SIPA1L2: variants seen among roughly 807,000 people sequenced by gnomAD.
SIPA1L2 encodes signal induced proliferation associated 1 like 2.
SIPA1L2 carries 56 observed loss-of-function variants against 163.9 expected under a neutral mutation model. The ratio of observed to expected loss-of-function variants is 0.34; its 90% CI spans 0.28 to 0.43. SIPA1L2 has a LOEUF of 0.43. SIPA1L2 is among the 20% of genes least tolerant of loss of function. SIPA1L2 has a pLI of 1.00. For missense variants in SIPA1L2, 1,974 were observed against 2,193.5 expected, an observed-to-expected ratio of 0.90 and a Z score of 2.00; for synonymous variants, 877 against 865.7, an observed-to-expected ratio of 1.01 and a Z score of -0.23.
At chr1:232,424,725 T>TA (rs1661785187) in intron 18 of SIPA1L2, among the ~76,000 whole-genome samples, 1 of 152,202 alleles carries the variant, frequency 6.6e-6, no homozygotes, top group Non-Finnish European at 1.5e-5. Flanking sequence ...CCAATTATGT[T>TA]AAACATTGGA....
At chr1:232,460,794 C>T (rs1664191988) in intron 10 of SIPA1L2, 93 bp downstream of exon 10, 1 of 1,457,078 alleles carries the variant, frequency 6.9e-7, no homozygotes, top group African/African-American at 1.4e-5. Flanking sequence ...CACTTGACTG[C>T]ATTTTCTGAG....
intron 19 of SIPA1L2, among the ~76,000 whole-genome samples, chr1:232,410,021 T>A (rs1660859053): frequency 6.6e-6 from 1 of 152,214 alleles, no homozygotes; most frequent in Non-Finnish European, 1.5e-5. Flanking sequence ...GTATTTTCTA[T>A]GTATAAAACC....
intron 2 of SIPA1L2, among the ~76,000 whole-genome samples, chr1:232,566,960 T>C (rs143389946): frequency 2.2e-4 from 34 of 152,354 alleles, no homozygotes; most frequent in African/African-American, 6.5e-4. Flanking sequence ...AATATAATTG[T>C]ACAGATGCTT....
intron 3 of SIPA1L2, among the ~76,000 whole-genome samples, chr1:232,499,419 T>G (rs887582855): frequency 2.0e-5 from 3 of 152,192 alleles, no homozygotes; most frequent in Non-Finnish European, 2.9e-5. Flanking sequence ...GTGGTCTGGA[T>G]AGAAGACAAA....
At chr1:232,503,121 A>G (rs1052518469) in intron 3 of SIPA1L2, among the ~76,000 whole-genome samples, 1 of 152,190 alleles carries the variant, frequency 6.6e-6, no homozygotes, top group Non-Finnish European at 1.5e-5. Flanking sequence ...AATTGCTTCA[A>G]GGGTGAATCA....
intron 1 of SIPA1L2, among the ~76,000 whole-genome samples, chr1:232,623,797 G>A (rs1662937348): frequency 6.6e-6 from 1 of 151,932 alleles, no homozygotes; most frequent in African/African-American, 2.4e-5. Flanking sequence ...TAAATACACA[G>A]TAAATATAAG....
chr1:232,430,440 TA>T (rs1292833090), intron 16 of SIPA1L2, among the ~76,000 whole-genome samples: 8 of 152,256 alleles, frequency 5.3e-5, no homozygotes, highest in Non-Finnish European at 1.0e-4. Context: ...TTTTGAGAAA[TA>T]ACTGGTCTAT....
At chr1:232,578,814 C>G (rs994846021) in intron 1 of SIPA1L2, among the ~76,000 whole-genome samples, 9 of 152,128 alleles carry the variant, frequency 5.9e-5, no homozygotes, top group African/African-American at 2.2e-4. Context: ...GAAAGGAAAC[C>G]ACAAATTCTT....
intron 2 of SIPA1L2, among the ~76,000 whole-genome samples, chr1:232,566,753 G>A (rs532932285): frequency 5.9e-5 from 9 of 152,212 alleles, no homozygotes; most frequent in Non-Finnish European, 1.2e-4. Flanking sequence ...GGTTCAGTGT[G>A]TTTTTAGAAG....
Position 232,536,162 on chromosome 1 carries a change from C to T in SIPA1L2, c.-269-20554G>A, listed in dbSNP as rs150727228. Among the ~76,000 whole-genome samples, 351 of 152,272 alleles carry T rather than the reference C, an allele frequency of 2.3e-3. 2 individuals carry two copies. The highest frequency in any genetic ancestry group is 8.2e-3 in the African/African-American group (341 of 41,554). Reference sequence around the variant, plus strand: ...TGAGAGCGCAGGAGCTGGGAAAGGGCGAAAACAAGTCTATGTTATCTAAAA... The same window carrying T: ...TGAGAGCGCAGGAGCTGGGAAAGGGTGAAAACAAGTCTATGTTATCTAAAA... On this transcript the variant is annotated intron_variant, in intron 2 of 22. Coordinates refer to ENST00000674635, the MANE Select transcript of SIPA1L2 (RefSeq NM_020808.5).
intron 1 of SIPA1L2, among the ~76,000 whole-genome samples, chr1:232,619,551 A>T (rs1040790709): frequency 4.6e-5 from 7 of 152,210 alleles, no homozygotes; most frequent in Admixed American, 1.3e-4. Context: ...TAACTAGAAG[A>T]ACACTCAAAG....
intron 1 of SIPA1L2, among the ~76,000 whole-genome samples, chr1:232,597,488 T>G (rs368361666): frequency 7.0e-6 from 1 of 142,600 alleles, no homozygotes; most frequent in Admixed American, 7.1e-5. Context: ...CCATCCTGGC[T>G]AACACGGTGA....
chr1:232,536,803 G>T (rs1267064277), intron 2 of SIPA1L2, among the ~76,000 whole-genome samples: 1 of 152,128 alleles, frequency 6.6e-6, no homozygotes, highest in Non-Finnish European at 1.5e-5. Context: ...CTGACAGGAG[G>T]AGTAGTTGAG....
chr1:232,608,069 A>C (rs918126210), intron 1 of SIPA1L2, among the ~76,000 whole-genome samples: 2 of 138,582 alleles, frequency 1.4e-5, no homozygotes, highest in South Asian at 2.5e-4. Flanking sequence ...AAAAAAAAAA[A>C]CGAGTCTTAC....
At position 232,425,595 on chromosome 1, in the gene SIPA1L2, G is replaced by T. The variant is rs754687102; in HGVS notation, c.4624C>A (p.Leu1542Met). Reference sequence around the variant, plus strand: ...CAGCCAGCCCCTCACTTACTTCTCAGGCTCCCCATGCTGGGTGCGGGGTGG... The same window carrying T: ...CAGCCAGCCCCTCACTTACTTCTCATGCTCCCCATGCTGGGTGCGGGGTGG... ...RAHPAPSMGS[L>M]RNEFWFSDGS... The change falls in exon 18 of 23, where the codon CTG becomes ATG. Residue 1542 changes from leucine to methionine, a missense_variant. Leu to Met is a conservative substitution (Grantham distance 15). Coordinates refer to ENST00000674635, the MANE Select transcript of SIPA1L2 (RefSeq NM_020808.5). 6 of 1,579,214 alleles carry T rather than the reference G, an allele frequency of 3.8e-6. No homozygotes were observed. The highest frequency in any genetic ancestry group is 5.2e-6 in the Non-Finnish European group (6 of 1,159,132).
chr1:232,523,814 T>G (rs1667561594), intron 2 of SIPA1L2, among the ~76,000 whole-genome samples: 1 of 152,132 alleles, frequency 6.6e-6, no homozygotes, highest in African/African-American at 2.4e-5. Context: ...TGAACTAAAC[T>G]GTGCAAAGCG....
rs191180284 is a variant in SIPA1L2 at position 232,555,782 on chromosome 1, C to G, written c.-270+18392G>C. On this transcript the variant is annotated intron_variant, in intron 2 of 22. Transcript: ENST00000674635. ...AGCAGGGGATAGAGAACTCTACATT[C>G]TAGGTCCTAGAAAGCACAATACAAC... Among the ~76,000 whole-genome samples the G allele has an allele frequency of 2.6e-5, 4 of 152,314 alleles. No individual in the cohort carries two copies. In the East Asian group the frequency reaches 7.7e-4, roughly 29 times the overall value.
At chr1:232,441,222 G>GT in intron 14 of SIPA1L2, 69 bp downstream of exon 14, 3 of 1,204,120 alleles carry the variant, frequency 2.5e-6, no homozygotes, top group Non-Finnish European at 3.5e-6. Context: ...GAATCAGGCT[G>GT]TACCACTGTG....
In SIPA1L2 at chr1:232,481,292, T is replaced by C. The variant is rs149989620; in HGVS notation, c.1982-1562A>G. On this transcript the variant is annotated intron_variant, in intron 6 of 22. Coordinates refer to ENST00000674635, the MANE Select transcript of SIPA1L2 (RefSeq NM_020808.5). ...CAGGGCAGGATGGATGCTCCTTCAATGAATAATGGACTCACTGATGACAAA... is the reference window on the plus strand; with the variant it reads ...CAGGGCAGGATGGATGCTCCTTCAACGAATAATGGACTCACTGATGACAAA... 7.5e-3 allele frequency among the ~76,000 whole-genome samples: 1,139 copies of C among 152,294 alleles called. 26 individuals are homozygous for C. Among genetic ancestry groups the C allele is most frequent in the Admixed American group, 0.04 (618 of 15,302 alleles).
Sources: allele counts gnomAD v4.1 joint callset (sites outside exome capture counted in the v4.1 genomes callset), GRCh38; gene constraint gnomAD v4.1.1; transcripts MANE v1.5; gene names NCBI Gene and HGNC (gene_info 2026-07-23, HGNC 2026-07-21).